PPARGC1A: variants seen among roughly 807,000 people sequenced by gnomAD.
PPARGC1A encodes peroxisome proliferator-activated receptor gamma coactivator 1-alpha.
A neutral mutation model predicts 88.7 loss-of-function variants in PPARGC1A; 25 were observed. The observed-to-expected ratio is 0.28, with a 90% CI of 0.21 to 0.39. The LOEUF is 0.39. PPARGC1A is among the 10% of genes least tolerant of loss of function. The pLI is 1.00. For synonymous variants in PPARGC1A, 363 were observed against 355.6 expected (o/e 1.02, Z -0.24); for missense variants, 880 against 968.7 (o/e 0.91, Z 1.22).
chr4:24,257,086 G>A, the PPARGC1A span, among the ~76,000 whole-genome samples: 1 of 152,136 alleles, frequency 6.6e-6, no homozygotes, highest in African/African-American at 2.4e-5. Context: ...AATAGGACAA[G>A]TAGAACCCAA....
chr4:24,261,798 AT>A, the PPARGC1A span, among the ~76,000 whole-genome samples: 52,267 of 151,728 alleles, frequency 0.34, 10,436 homozygotes, highest in Non-Finnish European at 0.45. Flanking sequence ...CAGCATGTCA[AT>A]TTTTTTTCCT....
the PPARGC1A span, among the ~76,000 whole-genome samples, chr4:24,047,826 G>A: frequency 3.3e-5 from 5 of 152,106 alleles, no homozygotes; most frequent in East Asian, 5.8e-4. Context: ...CTATACAATC[G>A]TCCATGCTTA....
At chr4:23,949,652 T>A in the PPARGC1A span, among the ~76,000 whole-genome samples, 3 of 152,176 alleles carry the variant, frequency 2.0e-5, no homozygotes, top group African/African-American at 7.2e-5. Flanking sequence ...CAGGCCTCTG[T>A]AGACTTTGCA....
the PPARGC1A span, among the ~76,000 whole-genome samples, chr4:24,240,401 T>C: frequency 1.3e-5 from 2 of 152,216 alleles, no homozygotes; most frequent in African/African-American, 4.8e-5. Context: ...CTTGGCAGTC[T>C]GAAGGGAGAA....
intron 1 of PPARGC1A, among the ~76,000 whole-genome samples, chr4:23,898,121 A>C (rs1039398080): frequency 6.6e-6 from 1 of 152,258 alleles, no homozygotes; most frequent in African/African-American, 2.4e-5. Context: ...CCCTCCTTAA[A>C]TAAAAAGCTC....
At position 23,813,084 on chromosome 4, in the gene PPARGC1A, G is replaced by T. The variant is rs3736265; in HGVS notation, c.1835C>A (p.Thr612Lys). ...CACATACAAGGGAGAATTTCGGTGC[G>T]TGCGGTGTCTGTAGTGGCTTGACTC... Reference protein sequence around the residue: ...YYESSHYRHRTHRNSPLYVRS... With the variant: ...YYESSHYRHRKHRNSPLYVRS... The change falls in exon 9 of 13, where the codon ACG (threonine) becomes AAG (lysine). Residue 612 changes from threonine to lysine, a missense_variant. Physicochemically the swap from Thr to Lys is moderately conservative, Grantham distance 78. Transcript: ENST00000264867. 5.0e-6 allele frequency: 8 copies of T among 1,613,986 alleles called. No homozygotes were observed. The Admixed American group carries it at 1.3e-4, about 27-fold the overall frequency.
the PPARGC1A span, among the ~76,000 whole-genome samples, chr4:23,957,770 T>G: frequency 6.6e-6 from 1 of 152,140 alleles, no homozygotes; most frequent in African/African-American, 2.4e-5. Flanking sequence ...TTAATGTAGA[T>G]ATCCACATAC....
At chr4:24,404,321 ACAGAT>A in the PPARGC1A span, among the ~76,000 whole-genome samples, 32 of 151,898 alleles carry the variant, frequency 2.1e-4, no homozygotes, top group Non-Finnish European at 4.6e-4. Flanking sequence ...GTGGCTGAGA[ACAGAT>A]CAGAAAACAG....
At chr4:23,976,596 A>T in the PPARGC1A span, among the ~76,000 whole-genome samples, 1 of 152,216 alleles carries the variant, frequency 6.6e-6, no homozygotes, top group Non-Finnish European at 1.5e-5. Context: ...ATATCTGGAG[A>T]TAGAGCCTTT....
the PPARGC1A span, among the ~76,000 whole-genome samples, chr4:24,233,374 T>C: frequency 1.3e-5 from 2 of 152,270 alleles, no homozygotes; most frequent in African/African-American, 4.8e-5. Flanking sequence ...TCTCTCTCTC[T>C]CTTTTCTCAT....
chr4:24,023,910 C>A, the PPARGC1A span, among the ~76,000 whole-genome samples: 15 of 152,202 alleles, frequency 9.9e-5, no homozygotes, highest in Admixed American at 9.8e-4. Context: ...TGTTCTGTTA[C>A]AAACCTTCAA....
At chr4:24,250,240 G>T in the PPARGC1A span, among the ~76,000 whole-genome samples, 2 of 152,362 alleles carry the variant, frequency 1.3e-5, no homozygotes, top group Non-Finnish European at 1.5e-5. Context: ...GGTGTGGCTG[G>T]TTACATTCTG....
At chr4:23,942,842 G>A in the PPARGC1A span, among the ~76,000 whole-genome samples, 1 of 152,016 alleles carries the variant, frequency 6.6e-6, no homozygotes, top group Non-Finnish European at 1.5e-5. Flanking sequence ...CATCTATGTT[G>A]GTCTCTAAAT....
the PPARGC1A span, among the ~76,000 whole-genome samples, chr4:24,045,929 G>A: frequency 6.6e-6 from 1 of 152,102 alleles, no homozygotes; most frequent in Admixed American, 6.5e-5. Flanking sequence ...CAGTCACCAA[G>A]CCATGATATT....
At chr4:23,917,460 A>G in the PPARGC1A span, among the ~76,000 whole-genome samples, 1 of 149,704 alleles carries the variant, frequency 6.7e-6, no homozygotes, top group South Asian at 2.1e-4. Flanking sequence ...AGTAGCTGGG[A>G]CTACAGGCGC....
chr4:24,279,928 C>T, the PPARGC1A span, among the ~76,000 whole-genome samples: 1 of 152,130 alleles, frequency 6.6e-6, no homozygotes, highest in South Asian at 2.1e-4. Flanking sequence ...TAGAAAACAG[C>T]AGGAGAGCAA....
chr4:23,923,530 G>A, the PPARGC1A span, among the ~76,000 whole-genome samples: 1 of 152,040 alleles, frequency 6.6e-6, no homozygotes, highest in African/African-American at 2.4e-5. Context: ...TCACAAGTCT[G>A]TGGAGAAACT....
chr4:24,362,364 G>A, the PPARGC1A span, among the ~76,000 whole-genome samples: 1 of 151,846 alleles, frequency 6.6e-6, no homozygotes, highest in African/African-American at 2.4e-5. Context: ...ATGGATGGAT[G>A]GATGGATGGA....
chr4:24,266,315 T>C, the PPARGC1A span, among the ~76,000 whole-genome samples: 2 of 151,968 alleles, frequency 1.3e-5, no homozygotes, highest in African/African-American at 2.4e-5. Flanking sequence ...AGTTGCTTCG[T>C]GTTGTAGGAG....
Sources: allele counts gnomAD v4.1 joint callset (sites outside exome capture counted in the v4.1 genomes callset), GRCh38; gene constraint gnomAD v4.1.1; transcripts MANE v1.5; gene names NCBI Gene and HGNC (gene_info 2026-07-23, HGNC 2026-07-21).